Variants in NXPH1 observed in about 807,000 individuals in gnomAD.
The protein encoded by NXPH1 is neurexophilin-1.
A neutral mutation model predicts 23.7 loss-of-function variants in NXPH1; 5 were observed. The observed-to-expected ratio is 0.21, with a 90% CI of 0.11 to 0.44. The LOEUF (loss-of-function observed/expected upper bound fraction) is 0.44, where lower values mean the gene tolerates loss of function less well. Among genes scored for constraint, NXPH1 ranks in the 20% least tolerant of loss-of-function variants. NXPH1 has a pLI of 0.99. For synonymous variants in NXPH1, 144 were observed against 122.2 expected (o/e 1.18, Z -1.18); for missense variants, 324 against 321.6 (o/e 1.01, Z -0.06).
chr7:8,615,922 A>G (rs1332687650), intron 2 of NXPH1, among the ~76,000 whole-genome samples: 1 of 152,074 alleles, frequency 6.6e-6, no homozygotes, highest in Admixed American at 6.6e-5. Flanking sequence ...TAAGAGGTAA[A>G]CAGGTGAAGC....
chr7:8,712,130 A>G (rs1411642958), intron 2 of NXPH1, among the ~76,000 whole-genome samples: 2 of 152,192 alleles, frequency 1.3e-5, no homozygotes, highest in Non-Finnish European at 2.9e-5. Context: ...ACTGGTATAG[A>G]CTCTTAGGAG....
chr7:8,477,944 A>C (rs192631326), intron 2 of NXPH1, among the ~76,000 whole-genome samples: 20 of 152,246 alleles, frequency 1.3e-4, no homozygotes, highest in Admixed American at 5.9e-4. Flanking sequence ...AAAGGCCTGA[A>C]TCATGTCTGC....
At chr7:8,710,652 T>G (rs1470289468) in intron 2 of NXPH1, among the ~76,000 whole-genome samples, 2 of 95,224 alleles carry the variant, frequency 2.1e-5, no homozygotes, top group Non-Finnish European at 3.7e-5. Context: ...TTTTTGTTTT[T>G]TTTTTTTTTT....
chr7:8,466,965 T>A (rs1442848853), intron 2 of NXPH1, among the ~76,000 whole-genome samples: 2 of 152,100 alleles, frequency 1.3e-5, no homozygotes, highest in African/African-American at 4.8e-5. Context: ...TTCCAAACCA[T>A]AGTAGTTTCT....
intron 2 of NXPH1, among the ~76,000 whole-genome samples, chr7:8,484,379 A>G (rs983005484): frequency 2.0e-5 from 3 of 152,004 alleles, no homozygotes; most frequent in African/African-American, 2.4e-5. Flanking sequence ...GGTCTACACC[A>G]TCAAGCAGGA....
At chr7:8,530,863 C>T (rs1455938136) in intron 2 of NXPH1, among the ~76,000 whole-genome samples, 1 of 152,126 alleles carries the variant, frequency 6.6e-6, no homozygotes, top group Admixed American at 6.5e-5. Flanking sequence ...GAAGTTAATA[C>T]CAATTTATTT....
rs1816186317 is a variant in NXPH1 at position 8,435,962 on chromosome 7, C to G, written c.54+195C>G. On this transcript the variant is annotated intron_variant, in intron 2 of 2. Coordinates refer to ENST00000405863, the MANE Select transcript of NXPH1 (RefSeq NM_152745.3). The surrounding 1 kb of genome is among the most constrained non-coding windows in gnomAD (Gnocchi z 5.9). The stretch of plus-strand genomic sequence containing the variant: ...GGGGTTCCCACCCCATTTTCTGCTC[C>G]AATCCCCCAGTCTCCTGCGCGTGAT... Among the ~76,000 whole-genome samples the G allele has an allele frequency of 2.0e-5, 3 of 152,186 alleles. No homozygotes were observed. Among genetic ancestry groups the G allele is most frequent in the Admixed American group, 6.5e-5 (1 of 15,284 alleles).
chr7:8,582,765 C>G (rs564307494), intron 2 of NXPH1, among the ~76,000 whole-genome samples: 1 of 152,306 alleles, frequency 6.6e-6, no homozygotes, highest in African/African-American at 2.4e-5. Flanking sequence ...TGGGTGCTAA[C>G]TCCACCTGGA....
intron 2 of NXPH1, among the ~76,000 whole-genome samples, chr7:8,716,496 A>AT (rs1215545646): frequency 6.6e-6 from 1 of 152,214 alleles, no homozygotes; most frequent in Admixed American, 6.5e-5. Context: ...TTAAGTACAG[A>AT]TTTTTATCCA....
At chr7:8,750,670 T>C (rs181491324) in intron 2 of NXPH1, among the ~76,000 whole-genome samples, 17 of 152,340 alleles carry the variant, frequency 1.1e-4, no homozygotes, top group African/African-American at 3.8e-4. Flanking sequence ...TTTTCTTCCA[T>C]TAACCAGTGG....
intron 2 of NXPH1, among the ~76,000 whole-genome samples, chr7:8,623,403 C>T (rs1228203785): frequency 6.6e-6 from 1 of 151,948 alleles, no homozygotes; most frequent in African/African-American, 2.4e-5. Context: ...TTCAAGTAAA[C>T]AATCAGACAA....
At chr7:8,608,935 A>G (rs1018111975) in intron 2 of NXPH1, among the ~76,000 whole-genome samples, 1 of 152,180 alleles carries the variant, frequency 6.6e-6, no homozygotes, top group South Asian at 2.1e-4. Flanking sequence ...GGATATATAC[A>G]GTAAGTCCTC....
intron 2 of NXPH1, among the ~76,000 whole-genome samples, chr7:8,562,706 A>G (rs1281002269): frequency 6.6e-6 from 1 of 151,718 alleles, no homozygotes; most frequent in East Asian, 1.9e-4. Flanking sequence ...GTCTTAACAT[A>G]TCCTAATGGA....
At chr7:8,481,927 C>T (rs970955344) in intron 2 of NXPH1, among the ~76,000 whole-genome samples, 1 of 151,768 alleles carries the variant, frequency 6.6e-6, no homozygotes, top group African/African-American at 2.4e-5. Context: ...GCTGGCAGAA[C>T]AGGCTGACTA....
At chr7:8,561,029 C>G (rs1342700315) in intron 2 of NXPH1, among the ~76,000 whole-genome samples, 2 of 151,524 alleles carry the variant, frequency 1.3e-5, no homozygotes, top group African/African-American at 4.8e-5. Flanking sequence ...ACAACAGCAA[C>G]CCCTCTGCTT....
At chr7:8,729,048 T>C (rs953630047) in intron 2 of NXPH1, among the ~76,000 whole-genome samples, 2 of 152,142 alleles carry the variant, frequency 1.3e-5, no homozygotes, top group African/African-American at 4.8e-5. Flanking sequence ...AGATTCAACT[T>C]CTTCCTGGTT....
chr7:8,672,681 G>A (rs761394265), intron 2 of NXPH1, among the ~76,000 whole-genome samples: 4 of 152,124 alleles, frequency 2.6e-5, no homozygotes, highest in Non-Finnish European at 5.9e-5. Context: ...ATAGAAGTCA[G>A]GGAAGACCAT....
intron 2 of NXPH1, among the ~76,000 whole-genome samples, chr7:8,577,975 G>T (rs1228643253): frequency 6.6e-6 from 1 of 152,146 alleles, no homozygotes; most frequent in African/African-American, 2.4e-5. Context: ...TGCAGTCCCA[G>T]CGGACCTCAG....
At chr7:8,675,000 A>G (rs1820926793) in intron 2 of NXPH1, among the ~76,000 whole-genome samples, 1 of 152,164 alleles carries the variant, frequency 6.6e-6, no homozygotes, top group Non-Finnish European at 1.5e-5. Context: ...AACCCTGACT[A>G]TTTCCTACCA....
Sources: gnomAD v4.1 joint callset for allele counts (sites outside exome capture counted in the v4.1 genomes callset) on GRCh38, gnomAD v4.1.1 for gene constraint, Gnocchi (gnomAD v3.1) non-coding constraint, MANE v1.5 for transcripts, NCBI Gene and HGNC (gene_info 2026-07-23, HGNC 2026-07-21) for gene names.